SPIB: variants seen among roughly 807,000 people sequenced by gnomAD.
The protein encoded by SPIB is Spi-B transcription factor.
Under a neutral mutation model 31.9 loss-of-function variants are expected in SPIB, and 7 were observed. The ratio of observed to expected loss-of-function variants is 0.22; its 90% CI spans 0.12 to 0.41. The LOEUF is 0.41. SPIB is among the 10% of genes least tolerant of loss of function. SPIB has a pLI of 1.00. For synonymous variants in SPIB, 176 were observed against 158.9 expected (o/e 1.11, Z -0.81); for missense variants, 327 against 360.2 (o/e 0.91, Z 0.75).
intron 5 of SPIB, 31 bp downstream of exon 5, chr19:50,423,786 G>A (rs1485117185): frequency 1.9e-6 from 3 of 1,576,582 alleles, no homozygotes; most frequent in East Asian, 2.3e-5. Flanking sequence ...TGGGGGAGAT[G>A]CCAGCTGGAG....
intron 2 of SPIB, among the ~76,000 whole-genome samples, 174 bp from the exon 3 acceptor site, chr19:50,422,299 C>T (rs1168084331): frequency 6.6e-6 from 1 of 152,166 alleles, no homozygotes; most frequent in Non-Finnish European, 1.5e-5. Context: ...GTATCTCTGT[C>T]TCTTTGTCCC....
rs2039635567 is a variant in SPIB, at chr19:50,431,053, ACCT to A, written c.*2721_*2723del. On this transcript the variant is annotated 3_prime_UTR_variant, in exon 6 of 6. Coordinates refer to ENST00000595883, the MANE Select transcript of SPIB (RefSeq NM_003121.5). ...AAATAAGATGCATCGACGTAGACAA[ACCT>A]CCTGGGACCTTTTGTCAGGGACTGC... The A allele has an allele frequency of 6.6e-6, 1 of 152,152 alleles. No individual in the cohort carries two copies. Among genetic ancestry groups the A allele is most frequent in the African/African-American group, 2.4e-5 (1 of 41,404 alleles). The allele number at this position is 152,152 out of a possible 1,614,324, so 9.4% of individuals were successfully genotyped here. A position where few individuals can be genotyped will look rare whatever the true frequency, so the allele number is the denominator to read the frequency against.
At chr19:50,423,226 A>C in intron 4 of SPIB, 189 bp downstream of exon 4, 1 of 462,140 alleles carries the variant, frequency 2.2e-6, no homozygotes, top group Non-Finnish European at 3.8e-6. Flanking sequence ...AAAAAAAGAA[A>C]AAGAAAAGAA....
At chr19:50,422,341 G>A in intron 2 of SPIB, 132 bp from the exon 3 acceptor site, 1 of 661,566 alleles carries the variant, frequency 1.5e-6, no homozygotes, top group Non-Finnish European at 2.6e-6. Context: ...GTGTTTCTTT[G>A]TTGCTCTAAT....
rs11546996 is a variant in SPIB, at chr19:50,423,008, G to A, written c.310G>A (p.Ala104Thr). The stretch of plus-strand genomic sequence containing the variant: ...GGAGGCCCCGGGGCCTGGCCTCCCT[G>A]CATACCCCACGGAGAACTTCGCTAG... ...SLEAPGPGLPAYPTENFASQT... is the reference protein window; with the variant it reads ...SLEAPGPGLPTYPTENFASQT... The change falls in exon 4 of 6, where the codon GCA becomes ACA. Residue 104 changes from alanine (A) to threonine (T), a missense_variant. By Grantham distance (58) the Ala-to-Thr change is moderately conservative. Around this residue, in one of 4 missense-constraint regions of SPIB, gnomAD observed 238 missense variants for 228.8 expected, o/e 1.04. Transcript: ENST00000595883. 1.8e-4 allele frequency: 276 copies of A among 1,523,970 alleles called. No individual in the cohort carries two copies. The African/African-American group carries it at 3.0e-3, about 17-fold the overall frequency. 94.4% of individuals were successfully genotyped at this position (1,523,970 alleles called of 1,614,324 possible).
chr19:50,425,501 C>T (rs557322375), intron 5 of SPIB, among the ~76,000 whole-genome samples: 20 of 152,318 alleles, frequency 1.3e-4, no homozygotes, highest in South Asian at 1.2e-3. Context: ...AGCGCAGTGG[C>T]GCAATCTCGG....
Position 50,426,820 on chromosome 19 carries a change from C to G in SPIB, c.491-1218C>G, listed in dbSNP as rs116190027. Reference sequence around the variant, plus strand: ...TCCAACTTATACTTTCGATGAATGCCGAGGCAGCCTAAAATTATAAGAATT... The same window carrying G: ...TCCAACTTATACTTTCGATGAATGCGGAGGCAGCCTAAAATTATAAGAATT... On this transcript the variant is annotated intron_variant, in intron 5 of 5. Coordinates refer to ENST00000595883, the MANE Select transcript of SPIB (RefSeq NM_003121.5). 9.2e-5 allele frequency among the ~76,000 whole-genome samples: 14 copies of G among 151,936 alleles called. 1 individual carries two copies. The South Asian group carries it at 2.9e-3, about 32-fold the overall frequency.
At position 50,428,261 on chromosome 19, in the gene SPIB, C is replaced by A; in HGVS notation, c.714C>A (p.Gly238=). Residue 238 remains glycine (G), a synonymous_variant, in exon 6 of 6, where the codon GGC becomes GGA. Transcript: ENST00000595883. This position sits in a 1 kb window ranked among gnomAD's most constrained non-coding sequence, Gnocchi z 6.5. ...ARALRNYAKT[G]EIRKVKRKLT... ...CCCTCCGAAACTACGCCAAGACCGG[C>A]GAGATCCGCAAGGTCAAGCGCAAGC... 1.3e-6 allele frequency: 2 copies of A among 1,553,676 alleles called. No individual in the cohort carries two copies. Among genetic ancestry groups the A allele is most frequent in the Non-Finnish European group, 1.7e-6 (2 of 1,148,158 alleles).
rs1342953726 is a variant in SPIB, at chr19:50,431,011, A to G, written c.*2675A>G. On this transcript the variant is annotated 3_prime_UTR_variant, in exon 6 of 6. Coordinates refer to ENST00000595883, the MANE Select transcript of SPIB (RefSeq NM_003121.5). ...ACTTTTTACAAAAGCTATCATTGTCACCCTAAATGTGGAATAAAATAAGAT... is the reference window on the plus strand; with the variant it reads ...ACTTTTTACAAAAGCTATCATTGTCGCCCTAAATGTGGAATAAAATAAGAT... 1 of 152,210 alleles carries G rather than the reference A, an allele frequency of 6.6e-6. No homozygotes were observed. The highest frequency in any genetic ancestry group is 1.9e-4 in the East Asian group (1 of 5,196). 9.4% of individuals were successfully genotyped at this position (152,210 alleles called of 1,614,324 possible). A position where few individuals can be genotyped will look rare whatever the true frequency, so the allele number is the denominator to read the frequency against.
At position 50,428,505 on chromosome 19, in the gene SPIB, G is replaced by C. The variant is rs1389278025; in HGVS notation, c.*169G>C. On this transcript the variant is annotated 3_prime_UTR_variant, in exon 6 of 6. Transcript: ENST00000595883. The surrounding 1 kb of genome is among the most constrained non-coding windows in gnomAD (Gnocchi z 6.5). The stretch of plus-strand genomic sequence containing the variant: ...TGCCATAATCCCCAAGCCCAGCCCG[G>C]GCCTGTCTGGGATTCCCCACTTGTG... The C allele has an allele frequency of 4.0e-6, 3 of 756,880 alleles. No individual in the cohort carries two copies. The highest frequency in any genetic ancestry group is 1.9e-5 in the African/African-American group (1 of 52,418). 46.9% of individuals were successfully genotyped at this position (756,880 alleles called of 1,614,324 possible). A position where few individuals can be genotyped will look rare whatever the true frequency, so the allele number is the denominator to read the frequency against.
chr19:50,423,218 A>AAG (rs2039522186), intron 4 of SPIB, 181 bp downstream of exon 4: 2 of 463,486 alleles, frequency 4.3e-6, no homozygotes. Flanking sequence ...AAAAAAAAAA[A>AAG]AAAAGAAAAA....
At chr19:50,419,825 GT>G in intron 1 of SPIB, 120 bp from the exon 2 acceptor site, 2 of 995,998 alleles carry the variant, frequency 2.0e-6, no homozygotes, top group East Asian at 6.4e-5. Context: ...GGTGGGGCTG[GT>G]CCCTCACACA....
At chr19:50,426,134 A>G (rs1002149264) in intron 5 of SPIB, among the ~76,000 whole-genome samples, 3 of 152,118 alleles carry the variant, frequency 2.0e-5, no homozygotes, top group Non-Finnish European at 4.4e-5. Flanking sequence ...GCTTGAATCC[A>G]GGAGGCAGAG....
At chr19:50,420,098 C>T (rs1201801536) in intron 2 of SPIB, 125 bp downstream of exon 2, 2 of 812,208 alleles carry the variant, frequency 2.5e-6, no homozygotes, top group East Asian at 3.4e-5. Context: ...TGAGCTCCCC[C>T]TTGGTATCTC....
Position 50,428,198 on chromosome 19 carries a change from G to T in SPIB, c.651G>T (p.Gly217=), listed in dbSNP as rs753549499. Reference sequence around the variant, plus strand: ...CGCGCCGCTGGGGCCAGCAGAAGGGGAACCGCAAGCGCATGACCTACCAGA... The same window carrying T: ...CGCGCCGCTGGGGCCAGCAGAAGGGTAACCGCAAGCGCATGACCTACCAGA... The part of the protein sequence containing the change: ...LLARRWGQQK[G]NRKRMTYQKL... The change falls in exon 6 of 6, where the codon GGG becomes GGT. Residue 217 remains glycine (G), a synonymous_variant. Transcript: ENST00000595883. The surrounding 1 kb of genome is among the most constrained non-coding windows in gnomAD (Gnocchi z 6.5). 1 of 1,589,440 alleles carries T rather than the reference G, an allele frequency of 6.3e-7. No individual in the cohort carries two copies. The highest frequency in any genetic ancestry group is 1.3e-5 in the African/African-American group (1 of 74,648).
rs765824495 is a variant in SPIB, at chr19:50,422,887, G to C, written c.189G>C (p.Pro63=). The C allele has an allele frequency of 6.2e-7, 1 of 1,610,434 alleles. No homozygotes were observed. The part of the protein sequence containing the change: ...VPATPYEAFD[P]AAAAFSHPQA... The stretch of plus-strand genomic sequence containing the variant: ...CCACCCCCTATGAAGCCTTCGACCC[G>C]GCAGCAGCCGCTTTTAGCCACCCCC... Residue 63 remains proline (P), a synonymous_variant, in exon 4 of 6, where the codon CCG becomes CCC. Coordinates refer to ENST00000595883, the MANE Select transcript of SPIB (RefSeq NM_003121.5).
At chr19:50,427,867 C>G (rs12462780) in intron 5 of SPIB, among the ~76,000 whole-genome samples, 171 bp from the exon 6 acceptor site, 7 of 141,374 alleles carry the variant, frequency 5.0e-5, no homozygotes, top group South Asian at 2.2e-4. Flanking sequence ...TGCCCCCCCC[C>G]CCCCCCGTGG....
intron 5 of SPIB, among the ~76,000 whole-genome samples, chr19:50,424,145 C>T (rs1250325745): frequency 1.3e-5 from 2 of 152,122 alleles, no homozygotes; most frequent in Non-Finnish European, 2.9e-5. Context: ...GCCCCCTGCC[C>T]GTGTGCCCAA....
At chr19:50,423,221 A>AG in intron 4 of SPIB, 184 bp downstream of exon 4, 4 of 457,086 alleles carry the variant, frequency 8.8e-6, no homozygotes, top group Non-Finnish European at 1.5e-5. Flanking sequence ...AAAAAAAAAA[A>AG]AGAAAAAGAA....
Sources: gnomAD v4.1 joint callset for allele counts (sites outside exome capture counted in the v4.1 genomes callset) on GRCh38, gnomAD v4.1.1 for gene constraint, gnomAD v4.1.1 regional missense constraint, Gnocchi (gnomAD v3.1) non-coding constraint, MANE v1.5 for transcripts, NCBI Gene and HGNC (gene_info 2026-07-23, HGNC 2026-07-21) for gene names.